Variants in EEFSEC observed in about 807,000 individuals in gnomAD.
EEFSEC encodes selenocysteine-specific elongation factor.
In EEFSEC, 43 loss-of-function variants were observed where a neutral mutation model predicts 42.1. The observed-to-expected ratio is 1.02, with a 90% CI of 0.80 to 1.32. The LOEUF (loss-of-function observed/expected upper bound fraction) is 1.32, where lower values mean the gene tolerates loss of function less well. Ranked by LOEUF, EEFSEC falls within the 40% of genes most tolerant of loss-of-function variation. EEFSEC has a pLI of 0.00. For missense variants in EEFSEC, 745 were observed against 803.6 expected (o/e 0.93, Z 0.88); for synonymous variants, 354 against 339.1 (o/e 1.04, Z -0.48).
At chr3:128,213,948 T>G (rs1471029981) in intron 1 of EEFSEC, among the ~76,000 whole-genome samples, 1 of 152,164 alleles carries the variant, frequency 6.6e-6, no homozygotes, top group Non-Finnish European at 1.5e-5. Flanking sequence ...CAGGTGATGC[T>G]TCTAGATTAA....
At chr3:128,289,631 T>C (rs981641294) in intron 4 of EEFSEC, among the ~76,000 whole-genome samples, 4 of 152,222 alleles carry the variant, frequency 2.6e-5, no homozygotes, top group African/African-American at 9.6e-5. Context: ...CTTGAGTTTT[T>C]TTGTCACACA....
intron 4 of EEFSEC, among the ~76,000 whole-genome samples, chr3:128,280,162 G>A (rs2066511288): frequency 1.3e-5 from 2 of 152,342 alleles, no homozygotes; most frequent in South Asian, 4.1e-4. Flanking sequence ...GTCTGCATAT[G>A]TTTGTATACA....
chr3:128,246,816 C>G lies in EEFSEC; in HGVS notation c.317-20C>G. 1.9e-6 allele frequency: 3 copies of G among 1,612,342 alleles called. No homozygotes were observed. The highest frequency in any genetic ancestry group is 1.1e-5 in the South Asian group (1 of 90,980). On this transcript the variant is annotated intron_variant, in intron 1 of 6. Transcript: ENST00000254730. Reference sequence around the variant, plus strand: ...TCACCACCCCTTTTCCCTTTCTAACCTTCTCTTCTCTTATTCCAGGGGCCC... The same window carrying G: ...TCACCACCCCTTTTCCCTTTCTAACGTTCTCTTCTCTTATTCCAGGGGCCC...
intron 4 of EEFSEC, among the ~76,000 whole-genome samples, chr3:128,271,144 C>T (rs1156282115): frequency 6.6e-6 from 1 of 152,182 alleles, no homozygotes; most frequent in African/African-American, 2.4e-5. Context: ...TACAGAAACC[C>T]AGAGCTGGGC....
intron 1 of EEFSEC, among the ~76,000 whole-genome samples, chr3:128,224,192 C>G (rs1355861037): frequency 6.6e-6 from 1 of 152,190 alleles, no homozygotes. Flanking sequence ...AAATGAAGCA[C>G]CACTCTGTGA....
chr3:128,235,629 C>T (rs2066000689), intron 1 of EEFSEC, among the ~76,000 whole-genome samples: 1 of 152,214 alleles, frequency 6.6e-6, no homozygotes, highest in East Asian at 1.9e-4. Flanking sequence ...ACAGTGAACA[C>T]ACCAGCTCCG....
chr3:128,181,087 G>C (rs1025681384), intron 1 of EEFSEC, among the ~76,000 whole-genome samples: 3 of 152,138 alleles, frequency 2.0e-5, no homozygotes, highest in African/African-American at 4.8e-5. Context: ...GGCACTTCAG[G>C]ACATGGATGG....
chr3:128,374,016 G>C (rs770300031), intron 6 of EEFSEC, among the ~76,000 whole-genome samples: 2 of 152,182 alleles, frequency 1.3e-5, no homozygotes, highest in Non-Finnish European at 2.9e-5. Context: ...TCCTTCACTG[G>C]CCATTAGACC....
chr3:128,324,642 C>T lies in EEFSEC; in HGVS notation c.787-16591C>T, dbSNP rs1208848102. ...AACTTCCAACCCATTCCATCCTGCA[C>T]GACAGAAGAGTGCACTTTCTACCAG... On this transcript the variant is annotated intron_variant, in intron 4 of 6. Coordinates refer to ENST00000254730, the MANE Select transcript of EEFSEC (RefSeq NM_021937.5). Among the ~76,000 whole-genome samples the T allele has an allele frequency of 4.6e-5, 7 of 152,274 alleles. No homozygotes were observed. In the East Asian group the frequency reaches 5.8e-4, roughly 13 times the overall value.
chr3:128,172,272 C>T (rs926692900), intron 1 of EEFSEC, among the ~76,000 whole-genome samples: 4 of 152,202 alleles, frequency 2.6e-5, no homozygotes, highest in African/African-American at 9.7e-5. Context: ...AGGCCCAGCA[C>T]ATTAAGGACA....
At chr3:128,346,006 G>A (rs1033131094) in intron 5 of EEFSEC, among the ~76,000 whole-genome samples, 4 of 152,244 alleles carry the variant, frequency 2.6e-5, no homozygotes, top group South Asian at 2.1e-4. Flanking sequence ...AAATAACAGC[G>A]TGATGTAAAT....
rs2065802901 is a variant in EEFSEC at position 128,215,539 on chromosome 3, A to G, written c.317-31297A>G. On this transcript the variant is annotated intron_variant, in intron 1 of 6. Coordinates refer to ENST00000254730, the MANE Select transcript of EEFSEC (RefSeq NM_021937.5). ...AGTAGTCAGTTCACTGGCATGGAAC[A>G]TGCTATAAAGCTATTAAAATAATGA... Among the ~76,000 whole-genome samples the G allele has an allele frequency of 2.0e-5, 3 of 152,254 alleles. No homozygotes were observed. The South Asian group carries it at 6.2e-4, about 31-fold the overall frequency.
intron 6 of EEFSEC, among the ~76,000 whole-genome samples, chr3:128,359,459 A>G (rs1200399248): frequency 6.6e-6 from 1 of 151,950 alleles, no homozygotes; most frequent in Admixed American, 6.6e-5. Context: ...AGGCTCACTA[A>G]AGCCTTGACC....
intron 4 of EEFSEC, among the ~76,000 whole-genome samples, chr3:128,307,298 A>G (rs979761979): frequency 1.3e-5 from 2 of 152,236 alleles, no homozygotes; most frequent in Admixed American, 6.5e-5. Flanking sequence ...TTCAGAGTCC[A>G]TGTTCCCTGG....
At chr3:128,376,968 C>G (rs2067716990) in intron 6 of EEFSEC, among the ~76,000 whole-genome samples, 2 of 152,296 alleles carry the variant, frequency 1.3e-5, no homozygotes, top group East Asian at 3.9e-4. Flanking sequence ...GCGGCACAAT[C>G]TCTCACTCAG....
At position 128,229,679 on chromosome 3, in the gene EEFSEC, G is replaced by C. The variant is rs377335655; in HGVS notation, c.317-17157G>C. On this transcript the variant is annotated intron_variant, in intron 1 of 6. Transcript: ENST00000254730. ...TGGCCCATGGACATGTTTTGTTTGG[G>C]CCATGCTGTTTAAACATTTTTTTCA... is the stretch of plus-strand genomic sequence containing the variant. Among the ~76,000 whole-genome samples the C allele has an allele frequency of 1.2e-4, 18 of 152,332 alleles. No individual in the cohort carries two copies. The South Asian group carries it at 3.5e-3, about 30-fold the overall frequency.
At chr3:128,410,304 T>C (rs576105238), downstream of EEFSEC, among the ~76,000 whole-genome samples, 94 of 152,300 alleles carry the variant, frequency 6.2e-4, 1 homozygote, top group Admixed American at 2.6e-3. Flanking sequence ...TCCCTGCACA[T>C]TGGGACAGAA....
intron 4 of EEFSEC, among the ~76,000 whole-genome samples, chr3:128,299,777 C>T (rs1262083065): frequency 1.3e-5 from 2 of 152,224 alleles, no homozygotes; most frequent in East Asian, 3.8e-4. Flanking sequence ...AATACCTGCT[C>T]CTCAGAGATG....
Position 128,271,196 on chromosome 3 carries a change from G to C in EEFSEC, c.786+6415G>C, listed in dbSNP as rs574252752. On this transcript the variant is annotated intron_variant, in intron 4 of 6. Coordinates refer to ENST00000254730, the MANE Select transcript of EEFSEC (RefSeq NM_021937.5). Reference sequence around the variant, plus strand: ...CTGGGGCTGTGCCCCTGTCTTCAAGGCTGCATCCTGATGCTCCATCAGTAA... The same window carrying C: ...CTGGGGCTGTGCCCCTGTCTTCAAGCCTGCATCCTGATGCTCCATCAGTAA... Among the ~76,000 whole-genome samples, 10 of 152,188 alleles carry C rather than the reference G, an allele frequency of 6.6e-5. No homozygotes were observed. The South Asian group carries it at 2.1e-3, about 32-fold the overall frequency.
Sources: allele counts gnomAD v4.1 joint callset (sites outside exome capture counted in the v4.1 genomes callset), GRCh38; gene constraint gnomAD v4.1.1; transcripts MANE v1.5; gene names NCBI Gene and HGNC (gene_info 2026-07-23, HGNC 2026-07-21).